Variants in SULF1 observed in about 807,000 individuals in gnomAD.
SULF1 encodes extracellular sulfatase Sulf-1.
SULF1 carries 46 observed loss-of-function variants against 110.5 expected under a neutral mutation model. The ratio of observed to expected loss-of-function variants is 0.42; its 90% CI spans 0.33 to 0.53. The LOEUF is 0.53. SULF1 is among the 20% of genes least tolerant of loss of function. The probability of loss-of-function intolerance (pLI) is 0.12; values close to 1 mark genes in which losing one functional copy is unlikely to be tolerated. For synonymous variants in SULF1, 371 were observed against 387.1 expected (o/e 0.96, Z 0.49); for missense variants, 941 against 1,094.2 (o/e 0.86, Z 1.98).
At position 69,628,220 on chromosome 8, in the gene SULF1, C is replaced by G; in HGVS notation, c.2092C>G (p.His698Asp). The G allele has an allele frequency of 6.2e-7, 1 of 1,613,792 alleles. No homozygotes were observed. Among genetic ancestry groups the G allele is most frequent in the African/African-American group, 1.3e-5 (1 of 75,028 alleles). Reference protein sequence around the residue: ...GVKKQEKLKSHLHPFKEAAQE... With the variant: ...GVKKQEKLKSDLHPFKEAAQE... Reference sequence around the variant, plus strand: ...AAAAAAGCAAGAGAAATTAAAGAGCCATCTTCACCCATTCAAGTAAGTAAC... The same window carrying G: ...AAAAAAGCAAGAGAAATTAAAGAGCGATCTTCACCCATTCAAGTAAGTAAC... The change falls in exon 18 of 23, where the codon CAT (histidine) becomes GAT (aspartate). Residue 698 changes from histidine to aspartate, a missense_variant. His to Asp is a moderately conservative substitution (Grantham distance 81, BLOSUM62 -1). Coordinates refer to ENST00000402687, the MANE Select transcript of SULF1 (RefSeq NM_001128205.2).
intron 22 of SULF1, among the ~76,000 whole-genome samples, chr8:69,646,170 A>C (rs1811896265): frequency 6.6e-6 from 1 of 152,154 alleles, no homozygotes; most frequent in African/African-American, 2.4e-5. Context: ...CAGACATTCA[A>C]GAGTATTAAA....
chr8:69,544,897 T>C (rs931288753), intron 3 of SULF1, among the ~76,000 whole-genome samples: 1 of 152,198 alleles, frequency 6.6e-6, no homozygotes, highest in African/African-American at 2.4e-5. Flanking sequence ...ATATAAAATA[T>C]GAAAATCCAT....
chr8:69,481,831 G>A (rs575686716), intron 1 of SULF1, among the ~76,000 whole-genome samples: 183 of 152,206 alleles, frequency 1.2e-3, no homozygotes, highest in African/African-American at 4.1e-3. Context: ...TTTCAGCTAA[G>A]CCTATACATT....
intron 3 of SULF1, among the ~76,000 whole-genome samples, chr8:69,526,751 A>G (rs536278138): frequency 4.0e-5 from 6 of 150,966 alleles, no homozygotes; most frequent in Non-Finnish European, 8.8e-5. Context: ...TGTTTACACT[A>G]CTGTACTCTG....
chr8:69,489,153 C>T (rs1055634383), upstream of SULF1, among the ~76,000 whole-genome samples: 10 of 152,100 alleles, frequency 6.6e-5, no homozygotes, highest in South Asian at 6.2e-4. Flanking sequence ...CGTTACAAGC[C>T]GATCCATACA....
chr8:69,479,259 T>G (rs1211388373), intron 1 of SULF1, among the ~76,000 whole-genome samples: 2 of 152,158 alleles, frequency 1.3e-5, no homozygotes, highest in Non-Finnish European at 2.9e-5. Context: ...ACTGAGGAGA[T>G]TGTGACAATT....
chr8:69,603,586 C>A lies in SULF1; in HGVS notation c.1191-14C>A. 1 of 1,605,606 alleles carries A rather than the reference C, an allele frequency of 6.2e-7. No homozygotes were observed. Among genetic ancestry groups the A allele is most frequent in the Non-Finnish European group, 8.5e-7 (1 of 1,172,270 alleles). ...TCCAGATGCCAAAAGTAAATATTAT[C>A]ATTTTGCTTTCAGGTTTCGAACAAA... On this transcript the variant is annotated splice_polypyrimidine_tract_variant and intron_variant, in intron 11 of 22. Transcript: ENST00000402687.
At chr8:69,562,237 T>C (rs1382254243) in intron 3 of SULF1, among the ~76,000 whole-genome samples, 1 of 152,228 alleles carries the variant, frequency 6.6e-6, no homozygotes, top group Non-Finnish European at 1.5e-5. Flanking sequence ...GATACGTGTG[T>C]GTGTTTGTGT....
intron 3 of SULF1, among the ~76,000 whole-genome samples, chr8:69,533,754 C>T (rs1813257902): frequency 6.6e-6 from 1 of 152,070 alleles, no homozygotes. Context: ...GATTTATATT[C>T]CTTTGGGTAT....
intron 5 of SULF1, among the ~76,000 whole-genome samples, chr8:69,566,579 G>C (rs929139491): frequency 7.2e-5 from 11 of 152,238 alleles, no homozygotes; most frequent in African/African-American, 2.4e-4. Context: ...GGCTGGGTGT[G>C]GTCATTCTCG....
chr8:69,572,647 G>A (rs184250225), intron 5 of SULF1, among the ~76,000 whole-genome samples: 116 of 152,158 alleles, frequency 7.6e-4, no homozygotes, highest in African/African-American at 2.6e-3. Flanking sequence ...AGGCAGCTTC[G>A]GCTTCACCCA....
intron 1 of SULF1, among the ~76,000 whole-genome samples, chr8:69,470,293 G>A (rs1000349627): frequency 6.6e-6 from 1 of 152,180 alleles, no homozygotes; most frequent in Non-Finnish European, 1.5e-5. Flanking sequence ...GGAGGCTCAT[G>A]TATGAAACTA....
chr8:69,633,320 A>G (rs1279036988), intron 19 of SULF1, among the ~76,000 whole-genome samples: 1 of 148,576 alleles, frequency 6.7e-6, no homozygotes, highest in African/African-American at 2.5e-5. Context: ...TGAGTCAATC[A>G]GGACATTCTT....
chr8:69,479,431 A>G (rs1265561417), intron 1 of SULF1, among the ~76,000 whole-genome samples: 1 of 152,144 alleles, frequency 6.6e-6, no homozygotes, highest in East Asian at 1.9e-4. Context: ...GTGTGAATGG[A>G]TTGTAAAAAT....
intron 13 of SULF1, among the ~76,000 whole-genome samples, chr8:69,618,599 C>G (rs1260017277): frequency 6.6e-6 from 1 of 152,116 alleles, no homozygotes; most frequent in African/African-American, 2.4e-5. Flanking sequence ...GCCTGTCTGT[C>G]CCTTGAGCTC....
At chr8:69,630,229 T>C (rs1245635689) in intron 19 of SULF1, among the ~76,000 whole-genome samples, 5 of 152,258 alleles carry the variant, frequency 3.3e-5, no homozygotes, top group Admixed American at 3.3e-4. Flanking sequence ...TATGGCATAA[T>C]AACATTTGTG....
At chr8:69,590,795 CTA>C (rs1417454259) in intron 8 of SULF1, among the ~76,000 whole-genome samples, 1 of 152,168 alleles carries the variant, frequency 6.6e-6, no homozygotes, top group Non-Finnish European at 1.5e-5. Flanking sequence ...AGATCTTCCC[CTA>C]TATACAACTC....
chr8:69,646,972 TCTTGCTCTGTCA>T (rs1811965787), intron 22 of SULF1, among the ~76,000 whole-genome samples: 1 of 111,002 alleles, frequency 9.0e-6, no homozygotes. Context: ...TGAGGTGGAG[TCTTGCTCTGTCA>T]CCCAGGCTGG....
chr8:69,501,515 C>T (rs1484703157), intron 2 of SULF1, among the ~76,000 whole-genome samples: 1 of 152,184 alleles, frequency 6.6e-6, no homozygotes, highest in Non-Finnish European at 1.5e-5. Context: ...GTCTCCCAAC[C>T]TGAAATTAGA....
Sources: allele counts gnomAD v4.1 joint callset (sites outside exome capture counted in the v4.1 genomes callset), GRCh38; gene constraint gnomAD v4.1.1; transcripts MANE v1.5; gene names NCBI Gene and HGNC (gene_info 2026-07-23, HGNC 2026-07-21).